The following RHPN2 variants were observed in gnomAD, a reference collection of about 807,000 sequenced individuals.
RHPN2 encodes the protein rhophilin-2.
RHPN2 carries 40 observed loss-of-function variants against 79.0 expected under a neutral mutation model. The observed-to-expected ratio is 0.51, with a 90% CI of 0.39 to 0.66. RHPN2 has a LOEUF of 0.66. Among genes scored for constraint, RHPN2 ranks in the 30% least tolerant of loss-of-function variants. The probability of loss-of-function intolerance (pLI) is 0.00; values close to 1 mark genes in which losing one functional copy is unlikely to be tolerated. For missense variants in RHPN2, 686 were observed against 883.5 expected (o/e 0.78, Z 2.83); for synonymous variants, 285 against 363.5 (o/e 0.78, Z 2.46).
intron 4 of RHPN2, among the ~76,000 whole-genome samples, chr19:33,019,770 A>G (rs1971908120): frequency 6.6e-6 from 1 of 152,082 alleles, no homozygotes; most frequent in Non-Finnish European, 1.5e-5. Flanking sequence ...TCTCAAAATA[A>G]TAAAGAAAAA....
intron 14 of RHPN2, among the ~76,000 whole-genome samples, chr19:32,986,609 C>T (rs1971614651): frequency 6.6e-6 from 1 of 151,880 alleles, no homozygotes; most frequent in Non-Finnish European, 1.5e-5. Context: ...GCCTGACCAA[C>T]ATGGAGAAAC....
chr19:33,029,669 A>C (rs1239232387), intron 2 of RHPN2, among the ~76,000 whole-genome samples: 1 of 152,258 alleles, frequency 6.6e-6, no homozygotes, highest in Non-Finnish European at 1.5e-5. Flanking sequence ...GCGCTAAAGC[A>C]GGTTGACATC....
intron 1 of RHPN2, among the ~76,000 whole-genome samples, chr19:33,051,184 G>GT (rs1972183487): frequency 6.6e-6 from 1 of 152,198 alleles, no homozygotes; most frequent in African/African-American, 2.4e-5. Context: ...TAGACACAGG[G>GT]TTTTGCCATG....
intron 2 of RHPN2, among the ~76,000 whole-genome samples, chr19:33,033,352 G>C (rs768678195): frequency 6.6e-6 from 1 of 152,128 alleles, no homozygotes; most frequent in African/African-American, 2.4e-5. Context: ...GGTCAACTGA[G>C]GTCAGGAATT....
At chr19:32,989,010 A>G (rs1971632832) in intron 14 of RHPN2, among the ~76,000 whole-genome samples, 1 of 152,154 alleles carries the variant, frequency 6.6e-6, no homozygotes, top group Non-Finnish European at 1.5e-5. Flanking sequence ...TGAATAAATG[A>G]GTGTTGTTAC....
chr19:33,036,870 G>GC (rs199550754), intron 2 of RHPN2, among the ~76,000 whole-genome samples: 3,285 of 141,100 alleles, frequency 0.023, 95 homozygotes, highest in African/African-American at 0.067. Flanking sequence ...CCATGCCTGA[G>GC]CCCCCCCGCC....
At chr19:33,006,835 A>T (rs1032170756) in intron 7 of RHPN2, among the ~76,000 whole-genome samples, 1 of 152,206 alleles carries the variant, frequency 6.6e-6, no homozygotes, top group Non-Finnish European at 1.5e-5. Flanking sequence ...TGAGGTCAGG[A>T]GTTTGAGACC....
rs570680058 is a variant in RHPN2 at position 32,994,032 on chromosome 19, T to A, written c.1442A>T (p.Asp481Val). Reference protein sequence around the residue: ...SVVAKTEQEVDIILPQFSKLT... With the variant: ...SVVAKTEQEVVIILPQFSKLT... Reference sequence around the variant, plus strand: ...CTTGGAGAACTGGGGCAATATAATGTCAACCTCTTGCTCAGTTTTAGCTAG... The same window carrying A: ...CTTGGAGAACTGGGGCAATATAATGACAACCTCTTGCTCAGTTTTAGCTAG... The change falls in exon 12 of 15, where the codon GAC becomes GTC. Residue 481 changes from aspartate to valine, a missense_variant. Transcript: ENST00000254260. 1 of 1,612,964 alleles carries A rather than the reference T, an allele frequency of 6.2e-7. No homozygotes were observed. Among genetic ancestry groups the A allele is most frequent in the African/African-American group, 1.3e-5 (1 of 75,036 alleles).
In RHPN2 at chr19:32,997,490, T is replaced by C. The variant is rs1354987763; in HGVS notation, c.1226-1270A>G. On this transcript the variant is annotated intron_variant, in intron 10 of 14. Transcript: ENST00000254260. ...CCTATGATGGGTGACAGAGAAAGGC[T>C]TTTTTTTTTTCTTTCTTGAGACGGA... is the stretch of plus-strand genomic sequence containing the variant. 6.7e-4 allele frequency among the ~76,000 whole-genome samples: 5 copies of C among 7,512 alleles called. No homozygotes were observed. The African/African-American group carries it at 0.021, about 32-fold the overall frequency. The allele number at this position is 7,512 out of a possible 152,430, so 4.9% of individuals were successfully genotyped here.
chr19:33,001,543 TAAA>T (rs960667047), intron 9 of RHPN2, among the ~76,000 whole-genome samples: 4 of 152,000 alleles, frequency 2.6e-5, no homozygotes, highest in African/African-American at 9.7e-5. Context: ...ATAAAATAAA[TAAA>T]ATAATAAAAT....
intron 5 of RHPN2, among the ~76,000 whole-genome samples, chr19:33,012,346 T>G (rs1380768312): frequency 6.6e-6 from 1 of 151,938 alleles, no homozygotes; most frequent in African/African-American, 2.4e-5. Context: ...CCAGCTAATT[T>G]TTGTATTTTT....
At chr19:32,984,300 G>C (rs1273943207) in intron 14 of RHPN2, among the ~76,000 whole-genome samples, 1 of 152,126 alleles carries the variant, frequency 6.6e-6, no homozygotes, top group Admixed American at 6.6e-5. Context: ...GTGCTTGACT[G>C]TCATTATCTA....
intron 14 of RHPN2, 77 bp from the exon 15 acceptor site, chr19:32,980,333 C>T (rs1442175787): frequency 8.2e-5 from 128 of 1,552,994 alleles, no homozygotes; most frequent in Middle Eastern, 3.4e-4. Context: ...TTTGGCCAGG[C>T]GCGGTGGCTC....
intron 4 of RHPN2, among the ~76,000 whole-genome samples, chr19:33,014,870 C>A (rs1220338523): frequency 6.6e-6 from 1 of 152,106 alleles, no homozygotes; most frequent in African/African-American, 2.4e-5. Flanking sequence ...GTGGGAGAAT[C>A]ACTTGAGACC....
intron 1 of RHPN2, among the ~76,000 whole-genome samples, chr19:33,062,322 G>C (rs12979164): frequency 0.41 from 62,786 of 151,762 alleles, 16,430 homozygotes; most frequent in African/African-American, 0.73. Context: ...TTAGCCAGGC[G>C]TGGTTGATAT....
At chr19:32,997,713 A>T (rs1273660740) in intron 10 of RHPN2, among the ~76,000 whole-genome samples, 1 of 151,636 alleles carries the variant, frequency 6.6e-6, no homozygotes, top group African/African-American at 2.4e-5. Flanking sequence ...CTGGTCTCAA[A>T]CTCCTGACTT....
rs1055358730 is a variant in RHPN2, at chr19:33,036,872, C to CG, written c.185+7376_185+7377insC. 2.1e-5 allele frequency among the ~76,000 whole-genome samples: 3 copies of CG among 143,568 alleles called. No homozygotes were observed. In the East Asian group the frequency reaches 6.9e-4, roughly 33 times the overall value. 94.2% of individuals were successfully genotyped at this position (143,568 alleles called of 152,430 possible). On this transcript the variant is annotated intron_variant, in intron 2 of 14. Transcript: ENST00000254260. ...CACCTGTAGCCCGCCATGCCTGAGCCCCCCCGCCACCCTCTGTGGGCTCCT... is the reference window on the plus strand; with the variant it reads ...CACCTGTAGCCCGCCATGCCTGAGCCGCCCCCGCCACCCTCTGTGGGCTCCT...
intron 14 of RHPN2, among the ~76,000 whole-genome samples, chr19:32,983,323 T>C (rs1399558367): frequency 3.9e-5 from 6 of 151,958 alleles, no homozygotes; most frequent in Admixed American, 2.0e-4. Flanking sequence ...CCATCGGGGC[T>C]AACATGGTGA....
chr19:33,026,592 C>A lies in RHPN2; in HGVS notation c.226G>T (p.Glu76Ter). 6.2e-7 allele frequency: 1 copy of A among 1,609,376 alleles called. No homozygotes were observed. The highest frequency in any genetic ancestry group is 1.3e-5 in the African/African-American group (1 of 75,008). The change falls in exon 3 of 15, where the codon GAG becomes TAG. Residue 76 changes from glutamate to a stop codon, truncating the protein, a stop_gained. Transcript: ENST00000254260. LOFTEE classifies it high-confidence loss of function. ...NSKVREQVRL[E>*]LSFVNSDLQM... ...AGGTCTGAGTTGACGAAGCTCAGCT[C>A]CAGCCGCACTTGCTCCCGCACCTTT...
Sources: allele counts gnomAD v4.1 joint callset (sites outside exome capture counted in the v4.1 genomes callset), GRCh38; gene constraint gnomAD v4.1.1; transcripts MANE v1.5; gene names NCBI Gene and HGNC (gene_info 2026-07-23, HGNC 2026-07-21).